RARB: variants seen among roughly 807,000 people sequenced by gnomAD.
The protein encoded by RARB is retinoic acid receptor beta, also known as HBV-activated protein.
A neutral mutation model predicts 51.9 loss-of-function variants in RARB; 17 were observed. The ratio of observed to expected loss-of-function variants is 0.33; its 90% CI spans 0.22 to 0.49. RARB has a LOEUF of 0.49. Among genes scored for constraint, RARB ranks in the 20% least tolerant of loss-of-function variants. The pLI, the probability that RARB is intolerant of heterozygous loss-of-function variation, is 0.99. For missense variants in RARB, 369 were observed against 550.8 expected, an observed-to-expected ratio of 0.67 and a Z score of 3.30; for synonymous variants, 215 against 195.4, an observed-to-expected ratio of 1.10 and a Z score of -0.84.
chr3:24,967,932 G>A (rs4458332), intron 2 of RARB, among the ~76,000 whole-genome samples: 29,331 of 152,072 alleles, frequency 0.19, 3,492 homozygotes, highest in East Asian at 0.3. Context: ...TTAAGCAGTA[G>A]CAACAAACAC....
intron 2 of RARB, among the ~76,000 whole-genome samples, chr3:24,940,134 C>T (rs1242471756): frequency 1.3e-5 from 2 of 152,210 alleles, no homozygotes; most frequent in African/African-American, 4.8e-5. Context: ...TGGCAGTAAT[C>T]TAGACACGTC....
chr3:25,177,912 G>A (rs1404462842), intron 5 of RARB, among the ~76,000 whole-genome samples: 8 of 152,026 alleles, frequency 5.3e-5, no homozygotes, highest in African/African-American at 1.5e-4. Flanking sequence ...GAATGAAGTC[G>A]AAGTCTAAAT....
At chr3:25,277,664 G>T (rs1703427062) in intron 5 of RARB, among the ~76,000 whole-genome samples, 1 of 152,174 alleles carries the variant, frequency 6.6e-6, no homozygotes, top group Non-Finnish European at 1.5e-5. Flanking sequence ...TTTAGATTAT[G>T]ATAACAGATG....
chr3:25,520,763 T>C (rs1318123645), intron 3 of RARB, among the ~76,000 whole-genome samples: 1 of 152,202 alleles, frequency 6.6e-6, no homozygotes, highest in East Asian at 1.9e-4. Context: ...ACATGATATA[T>C]AGTGAAATGC....
intron 5 of RARB, among the ~76,000 whole-genome samples, chr3:25,254,472 G>A (rs754946763): frequency 1.3e-5 from 2 of 152,088 alleles, no homozygotes; most frequent in African/African-American, 2.4e-5. Flanking sequence ...CTTTTACATA[G>A]CTGAAAAATG....
chr3:24,888,562 T>C (rs1010525522), intron 2 of RARB, among the ~76,000 whole-genome samples: 6 of 152,088 alleles, frequency 3.9e-5, no homozygotes, highest in African/African-American at 1.4e-4. Context: ...AGTAATGTGA[T>C]ATTTAACACC....
chr3:25,232,529 GT>G (rs1466541197), intron 5 of RARB, among the ~76,000 whole-genome samples: 1 of 151,858 alleles, frequency 6.6e-6, no homozygotes, highest in Non-Finnish European at 1.5e-5. Flanking sequence ...TTTATTTAGG[GT>G]TTTTTTATTT....
chr3:25,280,526 G>C (rs1703497750), intron 5 of RARB, among the ~76,000 whole-genome samples: 1 of 152,090 alleles, frequency 6.6e-6, no homozygotes, highest in African/African-American at 2.4e-5. Context: ...TGTTGGAAAG[G>C]TCACTAGACT....
chr3:25,401,859 C>T (rs2885839), intron 5 of RARB, among the ~76,000 whole-genome samples: 1 of 151,584 alleles, frequency 6.6e-6, no homozygotes. Flanking sequence ...TCACTACAAC[C>T]TCTGCCTCCC....
At chr3:25,404,295 A>T (rs1051632325) in intron 5 of RARB, among the ~76,000 whole-genome samples, 1 of 152,170 alleles carries the variant, frequency 6.6e-6, no homozygotes, top group Non-Finnish European at 1.5e-5. Flanking sequence ...CACTCTGTTT[A>T]ACATTCCGAC....
At chr3:24,883,787 A>G (rs751058306) in intron 2 of RARB, among the ~76,000 whole-genome samples, 59 of 152,164 alleles carry the variant, frequency 3.9e-4, no homozygotes, top group Non-Finnish European at 7.4e-4. Flanking sequence ...GCAAACAAGT[A>G]CCTAACAAAC....
chr3:25,123,091 G>A (rs1699809840), intron 3 of RARB, among the ~76,000 whole-genome samples: 1 of 152,102 alleles, frequency 6.6e-6, no homozygotes, highest in South Asian at 2.1e-4. Flanking sequence ...ACTTTGACTT[G>A]GCACTTGGGG....
At chr3:24,864,966 T>C (rs1219855950) in intron 2 of RARB, among the ~76,000 whole-genome samples, 1 of 152,168 alleles carries the variant, frequency 6.6e-6, no homozygotes. Context: ...TTGTTCACAA[T>C]GGTATTGTCA....
chr3:25,048,645 C>T (rs1698264296), intron 2 of RARB, among the ~76,000 whole-genome samples: 1 of 151,792 alleles, frequency 6.6e-6, no homozygotes, highest in Admixed American at 6.6e-5. Flanking sequence ...CACTTAATTT[C>T]AGATTTCTTT....
intron 5 of RARB, among the ~76,000 whole-genome samples, chr3:25,193,645 A>C (rs1243545190): frequency 6.6e-6 from 1 of 151,992 alleles, no homozygotes; most frequent in Non-Finnish European, 1.5e-5. Flanking sequence ...GCTACACTGG[A>C]ATATATTCTT....
At chr3:24,872,161 T>A (rs183568341) in intron 2 of RARB, among the ~76,000 whole-genome samples, 1 of 152,194 alleles carries the variant, frequency 6.6e-6, no homozygotes, top group East Asian at 1.9e-4. Context: ...TACAAGGAAC[T>A]TCAACTTCCA....
At chr3:25,284,510 T>C (rs952656480) in intron 5 of RARB, among the ~76,000 whole-genome samples, 7 of 152,156 alleles carry the variant, frequency 4.6e-5, no homozygotes, top group African/African-American at 1.7e-4. Flanking sequence ...CAAATATTTT[T>C]ATTACTCAAA....
intron 5 of RARB, among the ~76,000 whole-genome samples, chr3:25,188,711 C>T (rs953252830): frequency 5.9e-5 from 9 of 151,934 alleles, no homozygotes; most frequent in Non-Finnish European, 1.2e-4. Flanking sequence ...TTATAACTAC[C>T]ATTTGTGTGA....
intron 5 of RARB, among the ~76,000 whole-genome samples, chr3:25,255,191 C>G (rs930148888): frequency 6.6e-6 from 1 of 152,108 alleles, no homozygotes; most frequent in Non-Finnish European, 1.5e-5. Context: ...CCCACCTTCA[C>G]AGACACAGTA....
Sources: gnomAD v4.1 joint callset for allele counts (sites outside exome capture counted in the v4.1 genomes callset) on GRCh38, gnomAD v4.1.1 for gene constraint, MANE v1.5 for transcripts, NCBI Gene and HGNC (gene_info 2026-07-23, HGNC 2026-07-21) for gene names.